Variants in PTPRM observed in about 807,000 individuals in gnomAD.
PTPRM encodes receptor-type tyrosine-protein phosphatase mu.
A neutral mutation model predicts 186.7 loss-of-function variants in PTPRM; 47 were observed. That is an observed-to-expected ratio of 0.25 (90% confidence interval 0.20 to 0.32). PTPRM has a LOEUF of 0.32. Ranked by LOEUF, PTPRM falls within the 10% of genes least tolerant of loss-of-function variation. PTPRM has a pLI of 1.00. For synonymous variants in PTPRM, 668 were observed against 674.9 expected (o/e 0.99, Z 0.16); for missense variants, 1,494 against 1,865.0 (o/e 0.80, Z 3.66).
intron 1 of PTPRM, among the ~76,000 whole-genome samples, chr18:7,709,683 G>C (rs1251038898): frequency 6.6e-6 from 1 of 151,986 alleles, no homozygotes; most frequent in Non-Finnish European, 1.5e-5. Flanking sequence ...AAAAGAAGAT[G>C]ATGCAAATAA....
intron 4 of PTPRM, among the ~76,000 whole-genome samples, chr18:7,908,444 A>C (rs1034011928): frequency 2.0e-5 from 3 of 152,108 alleles, no homozygotes; most frequent in African/African-American, 7.2e-5. Context: ...TATTGCATGG[A>C]TTTGAATAGA....
At chr18:7,706,653 T>G (rs1485608011) in intron 1 of PTPRM, among the ~76,000 whole-genome samples, 9 of 142,702 alleles carry the variant, frequency 6.3e-5, no homozygotes, top group Non-Finnish European at 1.5e-5. Context: ...CCTGTTTCCA[T>G]TAGAAGATAA....
chr18:7,889,381 G>T (rs1158133065), intron 3 of PTPRM, among the ~76,000 whole-genome samples: 6 of 139,150 alleles, frequency 4.3e-5, no homozygotes, highest in African/African-American at 1.7e-4. Context: ...CCATCACCCG[G>T]GCTGGAGTAC....
intron 1 of PTPRM, among the ~76,000 whole-genome samples, chr18:7,633,957 A>G (rs1031440814): frequency 6.6e-6 from 1 of 152,076 alleles, no homozygotes; most frequent in African/African-American, 2.4e-5. Flanking sequence ...ATTCCAAAAT[A>G]TGAATCTGAT....
intron 2 of PTPRM, among the ~76,000 whole-genome samples, chr18:7,860,979 A>G (rs768935947): frequency 6.6e-6 from 1 of 152,160 alleles, no homozygotes; most frequent in African/African-American, 2.4e-5. Flanking sequence ...TAGCAAATGC[A>G]TTCTTAAAAG....
chr18:8,129,547 A>C (rs960231763), intron 13 of PTPRM, among the ~76,000 whole-genome samples: 3 of 152,238 alleles, frequency 2.0e-5, no homozygotes, highest in African/African-American at 7.2e-5. Flanking sequence ...GTCCCTTAGC[A>C]TCTGTAGGCA....
chr18:8,069,062 A>G (rs1378431388), intron 7 of PTPRM, among the ~76,000 whole-genome samples: 1 of 149,144 alleles, frequency 6.7e-6, no homozygotes, highest in Non-Finnish European at 1.5e-5. Context: ...GTGAGCCAAG[A>G]TCACACCACT....
intron 1 of PTPRM, among the ~76,000 whole-genome samples, chr18:7,685,939 A>G (rs1182699542): frequency 6.6e-6 from 1 of 152,188 alleles, no homozygotes; most frequent in African/African-American, 2.4e-5. Flanking sequence ...CACTTAAAGC[A>G]GAAAAGGAAT....
intron 3 of PTPRM, among the ~76,000 whole-genome samples, chr18:7,895,382 G>A (rs1403016385): frequency 6.6e-6 from 1 of 152,182 alleles, no homozygotes; most frequent in East Asian, 1.9e-4. Flanking sequence ...GTGTTTAGTG[G>A]AATGTCAAAA....
At chr18:7,989,927 A>G (rs948979086) in intron 7 of PTPRM, among the ~76,000 whole-genome samples, 3 of 151,966 alleles carry the variant, frequency 2.0e-5, no homozygotes, top group African/African-American at 7.3e-5. Flanking sequence ...TTCTTTTGAG[A>G]CAGTCTTGCT....
At chr18:7,965,852 A>G (rs1221753871) in intron 7 of PTPRM, among the ~76,000 whole-genome samples, 1 of 152,192 alleles carries the variant, frequency 6.6e-6, no homozygotes, top group Non-Finnish European at 1.5e-5. Flanking sequence ...ATTCGTCCTC[A>G]TTAACACGAA....
intron 1 of PTPRM, among the ~76,000 whole-genome samples, chr18:7,594,092 G>A (rs1393753971): frequency 6.6e-6 from 1 of 152,178 alleles, no homozygotes; most frequent in Non-Finnish European, 1.5e-5. Context: ...TTCTGTTGAT[G>A]TTAAGGAAGC....
At position 7,958,808 on chromosome 18, in the gene PTPRM, G is replaced by A. The variant is rs117022450; in HGVS notation, c.1132+3394G>A. Among the ~76,000 whole-genome samples the A allele has an allele frequency of 9.3e-3, 1,409 of 152,278 alleles. 12 individuals are homozygous for A. The highest frequency in any genetic ancestry group is 0.019 in the South Asian group (92 of 4,822). ...AAAAATCCGAGCAAAGGGGGAGAAC[G>A]TATAAGTTTTTATTACAGTGAAGTA... On this transcript the variant is annotated intron_variant, in intron 7 of 32. Coordinates refer to ENST00000580170, the MANE Select transcript of PTPRM (RefSeq NM_001105244.2).
In PTPRM at chr18:7,892,210, G is replaced by A. The variant is rs1416978947; in HGVS notation, c.468+3833G>A. Among the ~76,000 whole-genome samples the A allele has an allele frequency of 2.0e-5, 3 of 152,132 alleles. No homozygotes were observed. In the East Asian group the frequency reaches 5.8e-4, roughly 29 times the overall value. ...AGTGTCCACACAAAACCTCTAGAATGGGCTTTCTTGAGACCATCACAGCCT... is the reference window on the plus strand; with the variant it reads ...AGTGTCCACACAAAACCTCTAGAATAGGCTTTCTTGAGACCATCACAGCCT... On this transcript the variant is annotated intron_variant, in intron 3 of 32. Transcript: ENST00000580170.
intron 1 of PTPRM, among the ~76,000 whole-genome samples, chr18:7,699,827 CTT>C (rs1274577402): frequency 1.3e-5 from 2 of 151,590 alleles, no homozygotes; most frequent in Non-Finnish European, 2.9e-5. Flanking sequence ...TCCGTGAACA[CTT>C]TATTGCTTTA....
chr18:8,213,074 G>A (rs886218643), intron 14 of PTPRM, among the ~76,000 whole-genome samples: 19 of 152,292 alleles, frequency 1.2e-4, no homozygotes, highest in East Asian at 7.7e-4. Flanking sequence ...ATGATGTGAC[G>A]GACAGAGCTT....
chr18:8,001,529 G>GTT (rs956795726), intron 7 of PTPRM, among the ~76,000 whole-genome samples: 50 of 151,940 alleles, frequency 3.3e-4, no homozygotes, highest in African/African-American at 1.2e-3. Flanking sequence ...TGGATGAAAG[G>GTT]TTTGTTTTTT....
intron 13 of PTPRM, among the ~76,000 whole-genome samples, chr18:8,137,532 G>A (rs533102739): frequency 6.6e-6 from 1 of 152,176 alleles, no homozygotes; most frequent in Non-Finnish European, 1.5e-5. Context: ...CCCTTCTTCA[G>A]TGAGCCTGCG....
At chr18:7,817,269 C>G (rs959249582) in intron 2 of PTPRM, among the ~76,000 whole-genome samples, 5 of 152,088 alleles carry the variant, frequency 3.3e-5, no homozygotes, top group African/African-American at 1.2e-4. Flanking sequence ...GCTGCTGCCC[C>G]CAGCCTTTTT....
Sources: gnomAD v4.1 joint callset for allele counts (sites outside exome capture counted in the v4.1 genomes callset) on GRCh38, gnomAD v4.1.1 for gene constraint, MANE v1.5 for transcripts, NCBI Gene and HGNC (gene_info 2026-07-23, HGNC 2026-07-21) for gene names.